The following HPSE2 variants were observed in gnomAD, a reference collection of about 807,000 sequenced individuals.
HPSE2 encodes the protein heparanase 2 (inactive), also known as inactive heparanase-2.
HPSE2 carries 38 observed loss-of-function variants against 60.5 expected under a neutral mutation model. That is an observed-to-expected ratio of 0.63 (90% CI 0.48 to 0.82). The LOEUF (loss-of-function observed/expected upper bound fraction) is 0.82. HPSE2 is among the 40% of genes least tolerant of loss of function. HPSE2 has a pLI of 0.00. For missense variants in HPSE2, 713 were observed against 740.4 expected (o/e 0.96, Z 0.43); for synonymous variants, 295 against 293.2 (o/e 1.01, Z -0.06).
At chr10:98,587,566 C>T (rs1944972180) in intron 9 of HPSE2, among the ~76,000 whole-genome samples, 1 of 152,176 alleles carries the variant, frequency 6.6e-6, no homozygotes, top group Non-Finnish European at 1.5e-5. Context: ...TTCCTTTCTA[C>T]TCCTCTTAAT....
the HPSE2 span, among the ~76,000 whole-genome samples, chr10:99,311,384 A>T: frequency 1.3e-5 from 2 of 152,194 alleles, no homozygotes; most frequent in Non-Finnish European, 2.9e-5. Context: ...TTCCAACAAC[A>T]TGTGCTCACT....
chr10:98,497,585 T>C (rs778039252), intron 9 of HPSE2, among the ~76,000 whole-genome samples: 1 of 152,154 alleles, frequency 6.6e-6, no homozygotes, highest in African/African-American at 2.4e-5. Context: ...AAACTTTTCT[T>C]ATTTAGGCAT....
intron 9 of HPSE2, among the ~76,000 whole-genome samples, chr10:98,602,051 A>G (rs1337230739): frequency 6.6e-6 from 1 of 152,198 alleles, no homozygotes. Flanking sequence ...GGTTGGGGAT[A>G]TAAGTATTCC....
the HPSE2 span, among the ~76,000 whole-genome samples, chr10:99,304,317 A>G: frequency 6.6e-6 from 1 of 152,256 alleles, no homozygotes; most frequent in African/African-American, 2.4e-5. Flanking sequence ...AAATTTCTGC[A>G]TGAACTGCCC....
At chr10:99,197,745 C>CAGT (rs1848449575) in intron 2 of HPSE2, among the ~76,000 whole-genome samples, 3 of 152,060 alleles carry the variant, frequency 2.0e-5, no homozygotes, top group Admixed American at 2.0e-4. Context: ...GAGCATAACA[C>CAGT]TACTAAACTG....
intron 6 of HPSE2, among the ~76,000 whole-genome samples, chr10:98,643,517 C>A (rs520686): frequency 0.15 from 23,294 of 151,994 alleles, 2,070 homozygotes; most frequent in East Asian, 0.23. Context: ...AAAATAATAA[C>A]ATGTCCTTTG....
intron 9 of HPSE2, among the ~76,000 whole-genome samples, chr10:98,590,659 G>C (rs1326845944): frequency 6.6e-6 from 1 of 152,118 alleles, no homozygotes; most frequent in Non-Finnish European, 1.5e-5. Flanking sequence ...CTGTACACCA[G>C]GATTAGATAC....
chr10:99,041,856 G>C lies in HPSE2; in HGVS notation c.610+102382C>G, dbSNP rs560559445. Among the ~76,000 whole-genome samples the C allele has an allele frequency of 8.6e-4, 131 of 152,280 alleles. 1 individual carries two copies. The highest frequency in any genetic ancestry group is 3.0e-3 in the African/African-American group (124 of 41,560). On this transcript the variant is annotated intron_variant, in intron 3 of 11. Coordinates refer to ENST00000370552, the MANE Select transcript of HPSE2 (RefSeq NM_021828.5). ...CCTCTATAGTCCCTGCTACCCTGAG[G>C]CTGGGAAGGGAGCTAAGAGCCTGAG...
At chr10:99,261,905 G>T in the HPSE2 span, among the ~76,000 whole-genome samples, 7 of 152,250 alleles carry the variant, frequency 4.6e-5, no homozygotes, top group African/African-American at 1.7e-4. Flanking sequence ...AATGCACAAA[G>T]CCCGGGATTT....
At chr10:99,009,478 C>T (rs1956965159) in intron 3 of HPSE2, among the ~76,000 whole-genome samples, 1 of 152,092 alleles carries the variant, frequency 6.6e-6, no homozygotes, top group South Asian at 2.1e-4. Flanking sequence ...ATTCAGTCTC[C>T]CTCCAGAGCC....
chr10:99,043,743 G>A (rs143937778), intron 3 of HPSE2, among the ~76,000 whole-genome samples: 2,007 of 152,084 alleles, frequency 0.013, 21 homozygotes, highest in Middle Eastern at 0.031. Context: ...ATTAATAGTA[G>A]AATAGACCAA....
chr10:98,835,349 T>C (rs566354870), intron 3 of HPSE2, among the ~76,000 whole-genome samples: 68 of 152,196 alleles, frequency 4.5e-4, no homozygotes, highest in Non-Finnish European at 9.0e-4. Flanking sequence ...TTGAAGACAC[T>C]TCAAAAACAT....
chr10:99,220,854 CTTT>C (rs1210143115), intron 2 of HPSE2, among the ~76,000 whole-genome samples: 31 of 88,620 alleles, frequency 3.5e-4, no homozygotes, highest in East Asian at 7.7e-4. Flanking sequence ...GAGGCTTTCA[CTTT>C]TTTTTTTTTT....
chr10:98,826,401 T>C (rs949517703), intron 3 of HPSE2, among the ~76,000 whole-genome samples: 16 of 152,288 alleles, frequency 1.1e-4, no homozygotes, highest in Admixed American at 7.2e-4. Flanking sequence ...AGACTAAATA[T>C]TGGGGTTTGT....
At chr10:98,827,509 C>T (rs1227400915) in intron 3 of HPSE2, among the ~76,000 whole-genome samples, 1 of 152,178 alleles carries the variant, frequency 6.6e-6, no homozygotes, top group Non-Finnish European at 1.5e-5. Context: ...CCCGGCCCTA[C>T]ACCACTAGGT....
intron 6 of HPSE2, among the ~76,000 whole-genome samples, chr10:98,671,345 C>T (rs575275618): frequency 9.2e-5 from 14 of 152,160 alleles, no homozygotes; most frequent in Non-Finnish European, 1.3e-4. Context: ...TATGTGCCTT[C>T]GGTACTAAGA....
the HPSE2 span, among the ~76,000 whole-genome samples, chr10:99,294,656 G>A: frequency 1.3e-5 from 2 of 151,606 alleles, no homozygotes; most frequent in East Asian, 1.9e-4. Flanking sequence ...CACTTTGGCC[G>A]GGCGTGATGA....
Position 98,726,608 on chromosome 10 carries a change from AC to A in HPSE2, c.785-4781del, listed in dbSNP as rs550122225. On this transcript the variant is annotated intron_variant, in intron 4 of 11. Coordinates refer to ENST00000370552, the MANE Select transcript of HPSE2 (RefSeq NM_021828.5). ...TATGTAAAAAACCTGCACGTTGTGC[AC>A]ATGTATTCTAAAACTTAAAGTATAA... 1.5e-3 allele frequency among the ~76,000 whole-genome samples: 221 copies of A among 148,426 alleles called. 1 individual carries two copies. Among genetic ancestry groups the A allele is most frequent in the Admixed American group, 0.012 (177 of 14,672 alleles).
chr10:99,291,894 A>T, the HPSE2 span, among the ~76,000 whole-genome samples: 1 of 152,178 alleles, frequency 6.6e-6, no homozygotes, highest in Non-Finnish European at 1.5e-5. Context: ...CTGTCGAGTA[A>T]ATCACACTGT....
Sources: allele counts gnomAD v4.1 joint callset (sites outside exome capture counted in the v4.1 genomes callset), GRCh38; gene constraint gnomAD v4.1.1; transcripts MANE v1.5; gene names NCBI Gene and HGNC (gene_info 2026-07-23, HGNC 2026-07-21).